CNBD1: variants seen among roughly 807,000 people sequenced by gnomAD.
The protein encoded by CNBD1 is cyclic nucleotide binding domain containing 1.
A neutral mutation model predicts 54.4 loss-of-function variants in CNBD1; 71 were observed. The ratio of observed to expected loss-of-function variants is 1.30; its 90% CI spans 1.08 to 1.59. The LOEUF is 1.59. Among genes scored for constraint, CNBD1 ranks in the 40% most tolerant of loss-of-function variants. The pLI, the probability that CNBD1 is intolerant of heterozygous loss-of-function variation, is 0.00. For synonymous variants in CNBD1, 182 were observed against 170.7 expected (o/e 1.07, Z -0.51); for missense variants, 659 against 518.0 (o/e 1.27, Z -2.64).
intron 4 of CNBD1, among the ~76,000 whole-genome samples, chr8:87,010,242 A>G (rs1034685612): frequency 1.3e-5 from 2 of 152,018 alleles, no homozygotes; most frequent in Admixed American, 6.6e-5. Context: ...CTTCAAATGC[A>G]TGTGTTAGAT....
intron 4 of CNBD1, among the ~76,000 whole-genome samples, chr8:87,180,460 G>A (rs1004611782): frequency 6.6e-6 from 1 of 152,096 alleles, no homozygotes; most frequent in Non-Finnish European, 1.5e-5. Flanking sequence ...GCATACTCCA[G>A]TTTTAACTTT....
chr8:87,415,386 G>T (rs193154045), intron 2 of CNBD1, among the ~76,000 whole-genome samples: 3 of 151,978 alleles, frequency 2.0e-5, no homozygotes, highest in East Asian at 3.9e-4. Flanking sequence ...TGGGTTCATA[G>T]GTTATTTCTG....
At chr8:87,359,788 A>G (rs531759375) in intron 10 of CNBD1, among the ~76,000 whole-genome samples, 51 of 152,198 alleles carry the variant, frequency 3.4e-4, no homozygotes, top group Non-Finnish European at 7.4e-5. Flanking sequence ...ACTCTATGTT[A>G]TGTCATCTTG....
chr8:87,055,053 C>G (rs1263184161), intron 4 of CNBD1, among the ~76,000 whole-genome samples: 1 of 152,114 alleles, frequency 6.6e-6, no homozygotes, highest in Non-Finnish European at 1.5e-5. Flanking sequence ...CGATGGATCC[C>G]AGGCAAGCCC....
intron 5 of CNBD1, among the ~76,000 whole-genome samples, chr8:87,232,983 T>G (rs551293736): frequency 2.6e-5 from 4 of 152,310 alleles, no homozygotes; most frequent in African/African-American, 9.6e-5. Flanking sequence ...TCTACATGTT[T>G]AAAATTTCAC....
intron 4 of CNBD1, among the ~76,000 whole-genome samples, chr8:87,024,963 TCAGA>T (rs1809602238): frequency 1.3e-5 from 2 of 152,150 alleles, no homozygotes; most frequent in South Asian, 4.1e-4. Flanking sequence ...TGACTAAGAA[TCAGA>T]CAAAGAGGCT....
chr8:86,965,195 T>C (rs982513381), intron 4 of CNBD1, among the ~76,000 whole-genome samples: 2 of 152,138 alleles, frequency 1.3e-5, no homozygotes, highest in Non-Finnish European at 2.9e-5. Flanking sequence ...TAATATTGTA[T>C]ATAAAAGAAG....
rs75503153 is a variant in CNBD1 at position 87,166,031 on chromosome 8, T to C, written c.432-39962T>C. 6.6e-6 allele frequency among the ~76,000 whole-genome samples: 1 copy of C among 151,964 alleles called. No homozygotes were observed. The highest frequency in any genetic ancestry group is 6.6e-5 in the Admixed American group (1 of 15,210). On this transcript the variant is annotated intron_variant, in intron 4 of 10. Coordinates refer to ENST00000518476, the MANE Select transcript of CNBD1 (RefSeq NM_173538.3). This position sits in a 1 kb window ranked among gnomAD's most constrained non-coding sequence, Gnocchi z 4.3. ...TGACTCTGAGATCTACATTCACGTA[T>C]TGAATTGTCATTTTGAAGGCCTTAT...
intron 4 of CNBD1, among the ~76,000 whole-genome samples, chr8:87,141,163 A>C (rs1233247916): frequency 6.6e-6 from 1 of 152,124 alleles, no homozygotes; most frequent in African/African-American, 2.4e-5. Flanking sequence ...TTAGTTTGTA[A>C]ACAAGTCATC....
intron 3 of CNBD1, among the ~76,000 whole-genome samples, chr8:86,915,871 C>T (rs537780902): frequency 1.1e-4 from 16 of 152,064 alleles, no homozygotes; most frequent in Admixed American, 2.6e-4. Context: ...ATAAAATGCT[C>T]GGGTAGATGA....
At chr8:87,403,907 C>T (rs1047556068) in intron 2 of CNBD1, among the ~76,000 whole-genome samples, 20 of 151,946 alleles carry the variant, frequency 1.3e-4, no homozygotes, top group Non-Finnish European at 1.8e-4. Context: ...GCCACTCTCC[C>T]CCATGATGTG....
At chr8:87,325,424 A>ATG (rs1308789094) in intron 8 of CNBD1, among the ~76,000 whole-genome samples, 6 of 86,592 alleles carry the variant, frequency 6.9e-5, no homozygotes, top group Admixed American at 4.0e-4. Context: ...CCCATTATTA[A>ATG]TGTGTGGGAG....
chr8:87,299,698 G>C (rs895982889), intron 8 of CNBD1, among the ~76,000 whole-genome samples: 1 of 152,172 alleles, frequency 6.6e-6, no homozygotes, highest in Non-Finnish European at 1.5e-5. Context: ...TAATAGCTAT[G>C]AAAATTGTCC....
In CNBD1 at chr8:87,087,262, C is replaced by CAT. The variant is rs960920154; in HGVS notation, c.432-118721_432-118720dup. On this transcript the variant is annotated intron_variant, in intron 4 of 10. Transcript: ENST00000518476. ...ATATATATACGTATATATATATATA[C>CAT]ATATATATATACGTATATATATATA... Among the ~76,000 whole-genome samples, 88 of 135,104 alleles carry CAT rather than the reference C, an allele frequency of 6.5e-4. No individual in the cohort carries two copies. The East Asian group carries it at 8.8e-3, about 13-fold the overall frequency. The allele number at this position is 135,104 out of a possible 152,430, so 88.6% of individuals were successfully genotyped here.
chr8:86,886,222 C>T (rs1471446626), intron 1 of CNBD1, among the ~76,000 whole-genome samples: 2 of 151,982 alleles, frequency 1.3e-5, no homozygotes, highest in Non-Finnish European at 2.9e-5. Flanking sequence ...ATATAAAAAT[C>T]TATGATTAAG....
intron 2 of CNBD1, among the ~76,000 whole-genome samples, chr8:86,898,166 A>T (rs1808876385): frequency 6.6e-6 from 1 of 152,156 alleles, no homozygotes; most frequent in African/African-American, 2.4e-5. Flanking sequence ...ACACACGTAA[A>T]CATAAATCTG....
chr8:86,905,145 C>T lies in CNBD1; in HGVS notation c.223C>T (p.Leu75=). 1.2e-6 allele frequency: 2 copies of T among 1,612,514 alleles called. No individual in the cohort carries two copies. Residue 75 remains leucine, a synonymous_variant, in exon 3 of 11, where the codon CTG becomes TTG. Coordinates refer to ENST00000518476, the MANE Select transcript of CNBD1 (RefSeq NM_173538.3). ...TFMKQYPKVF[L]HQKPRLPKLF... is the part of the protein sequence containing the mutation. ...TATGAAGCAATATCCTAAAGTATTCCTGCACCAAAAACCCAGACTTCCTAA... is the reference window on the plus strand; with the variant it reads ...TATGAAGCAATATCCTAAAGTATTCTTGCACCAAAAACCCAGACTTCCTAA...
rs141536096 is a variant in CNBD1, at chr8:87,166,844, A to G, written c.432-39149A>G. Among the ~76,000 whole-genome samples, 3 of 152,054 alleles carry G rather than the reference A, an allele frequency of 2.0e-5. No homozygotes were observed. The highest frequency in any genetic ancestry group is 1.9e-4 in the East Asian group (1 of 5,180). ...CATTCTGCAACCCCACCACAAACTC[A>G]TAATTGTTCTATTTTCCAGTATAGT... On this transcript the variant is annotated intron_variant, in intron 4 of 10. Transcript: ENST00000518476. The surrounding 1 kb of genome is among the most constrained non-coding windows in gnomAD (Gnocchi z 4.3).
At chr8:87,118,547 T>G (rs1029627909) in intron 4 of CNBD1, among the ~76,000 whole-genome samples, 3 of 152,064 alleles carry the variant, frequency 2.0e-5, no homozygotes, top group African/African-American at 7.2e-5. Context: ...AAGAGCAGGT[T>G]TAGTCAGTTT....
Sources: allele counts gnomAD v4.1 joint callset (sites outside exome capture counted in the v4.1 genomes callset), GRCh38; gene constraint gnomAD v4.1.1; non-coding constraint Gnocchi (gnomAD v3.1); transcripts MANE v1.5; gene names NCBI Gene and HGNC (gene_info 2026-07-23, HGNC 2026-07-21).